C2CD3: variants seen among roughly 807,000 people sequenced by gnomAD.
C2CD3 encodes C2 domain-containing protein 3.
C2CD3 carries 148 observed loss-of-function variants against 234.0 expected under a neutral mutation model. That is an observed-to-expected ratio of 0.63 (90% CI 0.55 to 0.72). C2CD3 has a LOEUF of 0.72. Among genes scored for constraint, C2CD3 ranks in the 30% least tolerant of loss-of-function variants. The pLI, the probability that C2CD3 is intolerant of heterozygous loss-of-function variation, is 0.00. For synonymous variants in C2CD3, 1,000 were observed against 1,035.4 expected (o/e 0.97, Z 0.66); for missense variants, 2,577 against 2,811.5 (o/e 0.92, Z 1.89).
chr11:74,138,707 A>T lies in C2CD3; in HGVS notation c.955+13T>A. ...GTAGTTTAGTCTGACTCAGTTCACAAATACATACATACCTGAAAGAAGATC... is the reference window on the plus strand; with the variant it reads ...GTAGTTTAGTCTGACTCAGTTCACATATACATACATACCTGAAAGAAGATC... On this transcript the variant is annotated intron_variant, in intron 5 of 32. Transcript: ENST00000334126. The T allele has an allele frequency of 6.2e-7, 1 of 1,609,084 alleles. No homozygotes were observed. The highest frequency in any genetic ancestry group is 1.1e-5 in the South Asian group (1 of 90,830).
chr11:74,052,760 G>A (rs910585390), intron 26 of C2CD3, among the ~76,000 whole-genome samples: 9 of 152,124 alleles, frequency 5.9e-5, no homozygotes, highest in African/African-American at 2.2e-4. Flanking sequence ...TCAAAACAAG[G>A]GACTCACAGC....
At chr11:74,102,917 C>T (rs1053316115) in intron 14 of C2CD3, among the ~76,000 whole-genome samples, 3 of 152,202 alleles carry the variant, frequency 2.0e-5, no homozygotes, top group Admixed American at 1.3e-4. Context: ...ACCATGTGAA[C>T]TCAGACAGAA....
intron 12 of C2CD3, among the ~76,000 whole-genome samples, chr11:74,107,049 C>T (rs936862089): frequency 6.6e-6 from 1 of 152,174 alleles, no homozygotes; most frequent in East Asian, 1.9e-4. Context: ...AGGCTGGGCG[C>T]GGTGGCCCAT....
chr11:74,034,916 TAG>T (rs1952668199), intron 30 of C2CD3, among the ~76,000 whole-genome samples: 1 of 152,180 alleles, frequency 6.6e-6, no homozygotes, highest in Non-Finnish European at 1.5e-5. Context: ...AAGGTTACAG[TAG>T]AGAATACACG....
At chr11:74,168,998 C>G (rs996798009) in intron 1 of C2CD3, among the ~76,000 whole-genome samples, 1 of 152,156 alleles carries the variant, frequency 6.6e-6, no homozygotes, top group Non-Finnish European at 1.5e-5. Flanking sequence ...TTTCTAAGTA[C>G]AGTTGTTTTA....
intron 3 of C2CD3, among the ~76,000 whole-genome samples, 161 bp from the exon 4 acceptor site, chr11:74,139,989 AGAGGATTGTAAGGAATGT>A (rs1467957475): frequency 9.5e-4 from 113 of 119,116 alleles, no homozygotes; most frequent in African/African-American, 1.5e-3. Context: ...CCCATTCCCT[AGAGGATTGTAAGGAATGT>A]CCCCCATTCC....
At chr11:74,056,671 C>T (rs1252409491) in intron 25 of C2CD3, among the ~76,000 whole-genome samples, 1 of 152,332 alleles carries the variant, frequency 6.6e-6, no homozygotes, top group East Asian at 1.9e-4. Flanking sequence ...GGTCTTTCCA[C>T]TACACCAGAA....
At chr11:74,020,620 AG>A (rs1360638851) in intron 32 of C2CD3, among the ~76,000 whole-genome samples, 2 of 152,240 alleles carry the variant, frequency 1.3e-5, no homozygotes, top group Non-Finnish European at 2.9e-5. Flanking sequence ...GGCAGTTGGC[AG>A]GAGTTGGAGG....
At chr11:74,134,789 C>T (rs560220961) in intron 5 of C2CD3, among the ~76,000 whole-genome samples, 1 of 152,278 alleles carries the variant, frequency 6.6e-6, no homozygotes, top group East Asian at 1.9e-4. Flanking sequence ...TGCAGTGGTA[C>T]AATCAAGTTC....
chr11:74,125,599 C>T (rs895458504), intron 7 of C2CD3, among the ~76,000 whole-genome samples: 18 of 152,122 alleles, frequency 1.2e-4, no homozygotes, highest in Non-Finnish European at 2.9e-5. Flanking sequence ...TTCCCTTTTA[C>T]CCATCTTCTC....
chr11:74,061,470 T>C (rs375973732), intron 24 of C2CD3, among the ~76,000 whole-genome samples: 1 of 152,330 alleles, frequency 6.6e-6, no homozygotes, highest in East Asian at 1.9e-4. Context: ...GGGGCCAATA[T>C]TCAACATTCT....
At position 74,116,466 on chromosome 11, in the gene C2CD3, A is replaced by T. The variant is rs189633456; in HGVS notation, c.1520+1762T>A. On this transcript the variant is annotated intron_variant, in intron 9 of 32. Transcript: ENST00000334126. ...GCAAGAATGGCCATAATAAAAAATT[A>T]AAAAAAAAAAGAATGTTGGTGAGGA... is the stretch of plus-strand genomic sequence containing the variant. Among the ~76,000 whole-genome samples the T allele has an allele frequency of 2.9e-3, 433 of 147,016 alleles. 2 individuals carry two copies. The highest frequency in any genetic ancestry group is 5.0e-3 in the South Asian group (23 of 4,644).
At chr11:74,118,933 G>T (rs1957121561) in intron 8 of C2CD3, among the ~76,000 whole-genome samples, 1 of 147,598 alleles carries the variant, frequency 6.8e-6, no homozygotes, top group African/African-American at 2.5e-5. Flanking sequence ...TTTGAGACAG[G>T]GTCTCACCGT....
At position 74,095,326 on chromosome 11, in the gene C2CD3, G is replaced by T. The variant is rs570668370; in HGVS notation, c.3062C>A (p.Ala1021Glu). The change falls in exon 17 of 33, where the codon GCA (alanine) becomes GAA (glutamate). Residue 1021 changes from alanine to glutamate, a missense_variant. Transcript: ENST00000334126. Reference protein sequence around the residue: ...EMVKGLAPLQATVWGEADCYV... With the variant: ...EMVKGLAPLQETVWGEADCYV... ...ACAATCTGCTTCTCCCCAGACTGTTGCCTGAAGAGGGGCTAGCCCTTTAAC... is the reference window on the plus strand; with the variant it reads ...ACAATCTGCTTCTCCCCAGACTGTTTCCTGAAGAGGGGCTAGCCCTTTAAC... 5 of 1,613,588 alleles carry T rather than the reference G, an allele frequency of 3.1e-6. No individual in the cohort carries two copies. The East Asian group carries it at 1.1e-4, about 36-fold the overall frequency.
rs534706635 is a variant in C2CD3 at position 74,156,828 on chromosome 11, G to A, written c.483+4571C>T. Among the ~76,000 whole-genome samples, 84 of 152,246 alleles carry A rather than the reference G, an allele frequency of 5.5e-4. 1 individual carries two copies. Among genetic ancestry groups the A allele is most frequent in the East Asian group, 2.9e-3 (15 of 5,178 alleles). On this transcript the variant is annotated intron_variant, in intron 3 of 32. Transcript: ENST00000334126. ...CTACCAAAAAATACAAAAATTAGCCGGGCATGGTGGTGTGCACCTGTAGTC... is the reference window on the plus strand; with the variant it reads ...CTACCAAAAAATACAAAAATTAGCCAGGCATGGTGGTGTGCACCTGTAGTC...
intron 3 of C2CD3, among the ~76,000 whole-genome samples, chr11:74,148,508 A>G (rs1183587506): frequency 6.6e-6 from 1 of 152,034 alleles, no homozygotes; most frequent in Non-Finnish European, 1.5e-5. Flanking sequence ...TAATAGCATA[A>G]GTTTGATACT....
At chr11:74,168,188 A>C in intron 2 of C2CD3, 156 bp downstream of exon 2, 1 of 635,854 alleles carries the variant, frequency 1.6e-6, no homozygotes, top group Non-Finnish European at 2.7e-6. Flanking sequence ...ACACTCAATA[A>C]ATTTACAAAG....
At chr11:74,092,648 C>T in intron 18 of C2CD3, 60 bp from the exon 19 acceptor site, 1 of 1,424,458 alleles carries the variant, frequency 7.0e-7, no homozygotes, top group South Asian at 1.2e-5. Flanking sequence ...TTCAGTCTGC[C>T]CCACAGATCA....
At chr11:74,043,868 C>A (rs1162483813) in intron 28 of C2CD3, among the ~76,000 whole-genome samples, 1 of 152,036 alleles carries the variant, frequency 6.6e-6, no homozygotes, top group African/African-American at 2.4e-5. Context: ...CAGGGTCTCA[C>A]TTTGTCTTCC....
Sources: gnomAD v4.1 joint callset for allele counts (sites outside exome capture counted in the v4.1 genomes callset) on GRCh38, gnomAD v4.1.1 for gene constraint, MANE v1.5 for transcripts, NCBI Gene and HGNC (gene_info 2026-07-23, HGNC 2026-07-21) for gene names.